STK3: variants seen among roughly 807,000 people sequenced by gnomAD.
STK3 encodes the protein serine/threonine kinase 3.
In STK3, 41 loss-of-function variants were observed where a neutral mutation model predicts 58.0. That is an observed-to-expected ratio of 0.71 (90% CI 0.55 to 0.92). The LOEUF is 0.92. STK3 is among the 40% of genes least tolerant of loss of function. The pLI, the probability that STK3 is intolerant of heterozygous loss-of-function variation, is 0.00. For synonymous variants in STK3, 170 were observed against 191.0 expected, an observed-to-expected ratio of 0.89 and a Z score of 0.91; for missense variants, 479 against 602.7, an observed-to-expected ratio of 0.79 and a Z score of 2.15.
chr8:98,421,368 G>A (rs371842403), intron 3 of STK3, among the ~76,000 whole-genome samples: 8 of 152,224 alleles, frequency 5.3e-5, no homozygotes, highest in Admixed American at 2.6e-4. Context: ...CCCTGAGGCT[G>A]AGAGGGGCCC....
At chr8:98,704,872 G>A (rs1021123231) in intron 6 of STK3, among the ~76,000 whole-genome samples, 1 of 152,074 alleles carries the variant, frequency 6.6e-6, no homozygotes, top group African/African-American at 2.4e-5. Flanking sequence ...ACTTACCTAG[G>A]TTGCCTTGGG....
Position 98,407,714 on chromosome 8 carries a change from A to ATGTGTGTG in STK3, n.484-6209_484-6202dup, listed in dbSNP as rs6150725. 2.3e-3 allele frequency among the ~76,000 whole-genome samples: 311 copies of ATGTGTGTG among 137,152 alleles called. 7 individuals are homozygous for ATGTGTGTG. The highest frequency in any genetic ancestry group is 8.5e-3 in the African/African-American group (298 of 34,874). The allele number at this position is 137,152 out of a possible 152,430, so 90.0% of individuals were successfully genotyped here. A position where few individuals can be genotyped will look rare whatever the true frequency, so the allele number is the denominator to read the frequency against. On this transcript the variant is annotated intron_variant and non_coding_transcript_variant, in intron 3 of 3. Coordinates refer to the STK3 transcript ENST00000517832. ...CCTTCTAGCCCACTCAGATGAGTGC[A>ATGTGTGTG]TGTGTGTGTGTGTGTGTGTGTGTGT... is the stretch of plus-strand genomic sequence containing the variant.
intron 6 of STK3, among the ~76,000 whole-genome samples, chr8:98,630,285 T>C (rs1407724569): frequency 6.6e-6 from 1 of 152,204 alleles, no homozygotes; most frequent in Non-Finnish European, 1.5e-5. Flanking sequence ...ATTTTAAAAA[T>C]AGTTCAGGAC....
chr8:98,609,478 A>T (rs1817014904), intron 6 of STK3, among the ~76,000 whole-genome samples: 1 of 152,206 alleles, frequency 6.6e-6, no homozygotes, highest in Non-Finnish European at 1.5e-5. Context: ...TAAATAATGG[A>T]TCATAAACAT....
chr8:98,639,830 GC>G (rs1819881479), intron 6 of STK3, among the ~76,000 whole-genome samples: 1 of 151,972 alleles, frequency 6.6e-6, no homozygotes, highest in South Asian at 2.1e-4. Context: ...TTGGTTCCTG[GC>G]CAGGCGCGGT....
At chr8:98,425,047 G>A (rs1207371604) in intron 3 of STK3, among the ~76,000 whole-genome samples, 1 of 152,216 alleles carries the variant, frequency 6.6e-6, no homozygotes, top group Non-Finnish European at 1.5e-5. Flanking sequence ...GTGTGGAAGG[G>A]GGGATTGGAA....
At chr8:98,371,323 C>G (rs1475054517), downstream of STK3, 1 of 152,180 alleles carries the variant, frequency 6.6e-6, no homozygotes, top group East Asian at 1.9e-4. Context: ...TGTGTACTTC[C>G]CTGTACATAA....
intron 6 of STK3, among the ~76,000 whole-genome samples, chr8:98,700,139 G>A (rs535288732): frequency 7.9e-5 from 12 of 152,198 alleles, no homozygotes; most frequent in South Asian, 2.1e-4. Flanking sequence ...AGCAATCAGC[G>A]AGACTCCGTG....
chr8:98,786,178 G>A (rs1832452249), intron 1 of STK3, among the ~76,000 whole-genome samples: 2 of 152,166 alleles, frequency 1.3e-5, no homozygotes, highest in African/African-American at 4.8e-5. Flanking sequence ...CAGAGCTTCT[G>A]GAAATGAAAA....
intron 3 of STK3, among the ~76,000 whole-genome samples, chr8:98,419,119 G>T (rs1000583266): frequency 1.3e-5 from 2 of 152,180 alleles, no homozygotes; most frequent in African/African-American, 4.8e-5. Flanking sequence ...CCAGCACTTT[G>T]GGGGGCCGAA....
chr8:98,428,153 C>T lies in STK3; in HGVS notation n.483+5974G>A. 2 of 1,614,082 alleles carry T rather than the reference C, an allele frequency of 1.2e-6. No individual in the cohort carries two copies. Among genetic ancestry groups the T allele is most frequent in the East Asian group, 2.2e-5 (1 of 44,856 alleles). ...ACTCGCGCGAGGCCATTCTGGAGCT[C>T]TGCGATGACTACGACGACGTCCAGC... is the stretch of plus-strand genomic sequence containing the variant. On this transcript the variant is annotated intron_variant and non_coding_transcript_variant, in intron 3 of 3. Coordinates refer to the STK3 transcript ENST00000517832. The surrounding 1 kb of genome is among the most constrained non-coding windows in gnomAD (Gnocchi z 6.7).
intron 1 of STK3, among the ~76,000 whole-genome samples, chr8:98,934,713 C>A (rs1017119882): frequency 6.6e-6 from 1 of 152,032 alleles, no homozygotes; most frequent in African/African-American, 2.4e-5. Flanking sequence ...GTCAGGAGTT[C>A]GAGACCAGCC....
intron 4 of STK3, among the ~76,000 whole-genome samples, chr8:98,717,188 AT>A (rs1192854249): frequency 6.6e-6 from 1 of 151,930 alleles, no homozygotes. Flanking sequence ...CTTCATGAAA[AT>A]TAAAAAAAAA....
chr8:98,400,790 T>A (rs1283559573), downstream of STK3, among the ~76,000 whole-genome samples: 1 of 152,208 alleles, frequency 6.6e-6, no homozygotes, highest in Non-Finnish European at 1.5e-5. Context: ...AAAAAAATAG[T>A]TTTGTTGTTT....
intron 1 of STK3, among the ~76,000 whole-genome samples, chr8:98,904,315 C>T (rs1403925995): frequency 6.6e-6 from 1 of 152,006 alleles, no homozygotes; most frequent in Non-Finnish European, 1.5e-5. Flanking sequence ...TTCCACTGCA[C>T]AGGAAAAAGG....
intron 6 of STK3, among the ~76,000 whole-genome samples, chr8:98,705,220 A>T (rs543201732): frequency 3.9e-5 from 6 of 152,264 alleles, no homozygotes; most frequent in African/African-American, 1.4e-4. Context: ...CAGAAGTTGG[A>T]GACCAGCCTG....
chr8:98,898,937 C>CT (rs1207946833), intron 1 of STK3, among the ~76,000 whole-genome samples: 1 of 152,166 alleles, frequency 6.6e-6, no homozygotes, highest in Non-Finnish European at 1.5e-5. Context: ...TGGACCAATC[C>CT]CCAGTCCCCT....
At chr8:98,641,180 A>G (rs1819989208) in intron 6 of STK3, among the ~76,000 whole-genome samples, 2 of 152,140 alleles carry the variant, frequency 1.3e-5, no homozygotes, top group South Asian at 4.1e-4. Context: ...TTAATTAATG[A>G]TAGATTGGTT....
At chr8:98,906,452 C>G (rs1449501245) in intron 1 of STK3, 1 of 152,238 alleles carries the variant, frequency 6.6e-6, no homozygotes, top group Admixed American at 6.5e-5. Context: ...GCAGCGCGGC[C>G]GCCAGTGCTT....
Sources: gnomAD v4.1 joint callset for allele counts (sites outside exome capture counted in the v4.1 genomes callset) on GRCh38, gnomAD v4.1.1 for gene constraint, Gnocchi (gnomAD v3.1) non-coding constraint, MANE v1.5 for transcripts, NCBI Gene and HGNC (gene_info 2026-07-23, HGNC 2026-07-21) for gene names.